MLIP: variants seen among roughly 807,000 people sequenced by gnomAD.
The protein encoded by MLIP is muscular LMNA-interacting protein.
A neutral mutation model predicts 84.8 loss-of-function variants in MLIP; 79 were observed. The observed-to-expected ratio is 0.93, with a 90% CI of 0.78 to 1.12. The LOEUF is 1.12. Among genes scored for constraint, MLIP ranks in the 50% most tolerant of loss-of-function variants. The pLI is 0.00. For missense variants in MLIP, 1,257 were observed against 1,160.6 expected (o/e 1.08, Z -1.21); for synonymous variants, 504 against 463.0 (o/e 1.09, Z -1.14).
intron 1 of MLIP, among the ~76,000 whole-genome samples, chr6:54,116,871 A>G (rs1395991392): frequency 6.6e-6 from 1 of 152,234 alleles, no homozygotes; most frequent in African/African-American, 2.4e-5. Context: ...TGAATTCAAG[A>G]GCACATTAAA....
chr6:54,209,619 A>T (rs1445357199), intron 11 of MLIP, among the ~76,000 whole-genome samples: 1 of 152,202 alleles, frequency 6.6e-6, no homozygotes, highest in Non-Finnish European at 1.5e-5. Context: ...GTTTTTAAAA[A>T]TAATGTTCTT....
intron 1 of MLIP, among the ~76,000 whole-genome samples, chr6:54,117,040 T>C (rs540913918): frequency 4.6e-5 from 7 of 152,300 alleles, no homozygotes; most frequent in African/African-American, 1.7e-4. Context: ...TGACAAAATT[T>C]AACATTCCTT....
intron 1 of MLIP, among the ~76,000 whole-genome samples, chr6:54,069,577 T>C (rs1766366054): frequency 1.0e-5 from 1 of 99,558 alleles, no homozygotes; most frequent in African/African-American, 2.6e-5. Context: ...CATTAAATCA[T>C]CTCTAGATTA....
intron 1 of MLIP, chr6:54,046,134 C>T (rs2150309969): frequency 6.6e-6 from 1 of 152,226 alleles, no homozygotes; most frequent in South Asian, 2.1e-4. Flanking sequence ...TCCCTGAGTT[C>T]CAGTGTCTTC....
Position 54,111,888 on chromosome 6 carries a change from G to A in MLIP, c.96+313G>A, listed in dbSNP as rs114476708. Reference sequence around the variant, plus strand: ...ACATCTGAAGGAAGAGAACTTTTAGGGAAATATAAGAAAGGAAGGCATTAC... The same window carrying A: ...ACATCTGAAGGAAGAGAACTTTTAGAGAAATATAAGAAAGGAAGGCATTAC... On this transcript the variant is annotated intron_variant, in intron 1 of 13. Transcript: ENST00000502396. Among the ~76,000 whole-genome samples the A allele has an allele frequency of 5.8e-3, 877 of 152,186 alleles. 9 individuals are homozygous for A. The highest frequency in any genetic ancestry group is 0.02 in the African/African-American group (844 of 41,510).
At chr6:54,252,790 T>C (rs910933035) in intron 12 of MLIP, among the ~76,000 whole-genome samples, 9 of 151,908 alleles carry the variant, frequency 5.9e-5, no homozygotes, top group African/African-American at 2.2e-4. Flanking sequence ...ATGTATGATC[T>C]ATGGACTTAA....
At chr6:54,108,745 T>A (rs1045696158), upstream of MLIP, among the ~76,000 whole-genome samples, 4 of 151,916 alleles carry the variant, frequency 2.6e-5, no homozygotes, top group African/African-American at 9.7e-5. Context: ...CAGGGAAGAG[T>A]AGGGGCTGAA....
chr6:54,238,183 A>G (rs1781493133), intron 12 of MLIP, among the ~76,000 whole-genome samples: 1 of 152,174 alleles, frequency 6.6e-6, no homozygotes, highest in Admixed American at 6.5e-5. Flanking sequence ...TATTCTTCCT[A>G]GGCACCATAA....
At chr6:54,084,337 G>A (rs1767351776) in intron 1 of MLIP, among the ~76,000 whole-genome samples, 1 of 152,082 alleles carries the variant, frequency 6.6e-6, no homozygotes, top group Admixed American at 6.5e-5. Flanking sequence ...TAACAATTTT[G>A]TTTATGGTGC....
chr6:54,080,674 T>TGTTACATATATAATTGTTACA (rs1767083818), intron 1 of MLIP, among the ~76,000 whole-genome samples: 1 of 149,012 alleles, frequency 6.7e-6, no homozygotes, highest in Admixed American at 6.7e-5. Context: ...ATATGCAAAT[T>TGTTACATATATAATTGTTACA]TCTTTCTATA....
intron 5 of MLIP, among the ~76,000 whole-genome samples, chr6:54,149,502 T>G (rs1476959670): frequency 6.6e-6 from 1 of 152,166 alleles, no homozygotes; most frequent in Non-Finnish European, 1.5e-5. Context: ...GAAATGGGAT[T>G]GTTTGTGAAC....
chr6:54,211,978 T>C (rs1173941524), intron 11 of MLIP, among the ~76,000 whole-genome samples: 1 of 152,146 alleles, frequency 6.6e-6, no homozygotes, highest in African/African-American at 2.4e-5. Context: ...TTCTCCCTAT[T>C]TGACATAAAA....
rs145528009 is a variant in MLIP at position 54,184,246 on chromosome 6, A to G, written c.2545-5624A>G. On this transcript the variant is annotated intron_variant, in intron 9 of 13. Transcript: ENST00000502396. ...CAACAGAGAAAAAGGGAAAAGAAGC[A>G]TCTTAACGGTATCAAACCTGACATT... Among the ~76,000 whole-genome samples the G allele has an allele frequency of 9.8e-5, 15 of 152,324 alleles. No individual in the cohort carries two copies. The East Asian group carries it at 2.9e-3, about 29-fold the overall frequency.
chr6:54,188,755 A>T (rs1481195454), intron 9 of MLIP, among the ~76,000 whole-genome samples: 1 of 152,182 alleles, frequency 6.6e-6, no homozygotes, highest in Non-Finnish European at 1.5e-5. Context: ...GAAGATATGC[A>T]TACTCAGAAT....
intron 11 of MLIP, chr6:54,216,659 A>C (rs1779874650): frequency 1.1e-5 from 11 of 980,940 alleles, no homozygotes; most frequent in Non-Finnish European, 1.3e-5. Flanking sequence ...AATTTTTCAT[A>C]CTTCACAAGT....
At chr6:54,263,403 T>C (rs566527924) in intron 13 of MLIP, among the ~76,000 whole-genome samples, 1 of 152,114 alleles carries the variant, frequency 6.6e-6, no homozygotes, top group South Asian at 2.1e-4. Flanking sequence ...AAGTCAATAG[T>C]TACATAAATG....
At chr6:54,083,401 T>C (rs1387952354) in intron 1 of MLIP, 95 of 1,404,322 alleles carry the variant, frequency 6.8e-5, no homozygotes, top group Non-Finnish European at 8.3e-5. Flanking sequence ...CCAGAGTTGT[T>C]GGGGAAGCAG....
intron 11 of MLIP, among the ~76,000 whole-genome samples, chr6:54,209,294 TA>T (rs1779253491): frequency 1.3e-5 from 2 of 151,986 alleles, no homozygotes; most frequent in East Asian, 3.9e-4. Flanking sequence ...GGAAAAACAA[TA>T]AATCCTAATG....
intron 12 of MLIP, among the ~76,000 whole-genome samples, chr6:54,252,931 C>T (rs1406384885): frequency 1.3e-5 from 2 of 152,006 alleles, no homozygotes; most frequent in African/African-American, 2.4e-5. Context: ...GTCTTTTAGG[C>T]ATTCAGTTCA....
Sources: gnomAD v4.1 joint callset for allele counts (sites outside exome capture counted in the v4.1 genomes callset) on GRCh38, gnomAD v4.1.1 for gene constraint, MANE v1.5 for transcripts, NCBI Gene and HGNC (gene_info 2026-07-23, HGNC 2026-07-21) for gene names.